Variants in SGCZ observed in about 807,000 individuals in gnomAD.
SGCZ encodes the protein sarcoglycan zeta.
In SGCZ, 40 loss-of-function variants were observed where a neutral mutation model predicts 41.3. The ratio of observed to expected loss-of-function variants is 0.97; its 90% CI spans 0.75 to 1.26. The LOEUF (loss-of-function observed/expected upper bound fraction) is 1.26. Ranked by LOEUF, SGCZ falls within the 50% of genes most tolerant of loss-of-function variation. The pLI, the probability that SGCZ is intolerant of heterozygous loss-of-function variation, is 0.00. For missense variants in SGCZ, 552 were observed against 369.8 expected, an observed-to-expected ratio of 1.49 and a Z score of -4.04; for synonymous variants, 206 against 137.5, an observed-to-expected ratio of 1.50 and a Z score of -3.49.
At chr8:14,752,994 C>A (rs1799546727) in intron 1 of SGCZ, among the ~76,000 whole-genome samples, 1 of 152,144 alleles carries the variant, frequency 6.6e-6, no homozygotes, top group Non-Finnish European at 1.5e-5. Context: ...AGCAATTGGT[C>A]TGTTTTCATT....
intron 1 of SGCZ, among the ~76,000 whole-genome samples, chr8:15,221,033 G>A (rs1801582960): frequency 6.6e-6 from 1 of 150,860 alleles, no homozygotes; most frequent in African/African-American, 2.5e-5. Context: ...TATAGGGGGA[G>A]GGATAGCATT....
At chr8:14,997,786 C>G (rs1802268622) in intron 1 of SGCZ, among the ~76,000 whole-genome samples, 1 of 152,064 alleles carries the variant, frequency 6.6e-6, no homozygotes, top group Admixed American at 6.5e-5. Context: ...TTGGTGAAAC[C>G]TAGTCTCTAC....
At chr8:14,170,639 C>T (rs1433755922) in intron 4 of SGCZ, among the ~76,000 whole-genome samples, 1 of 152,072 alleles carries the variant, frequency 6.6e-6, no homozygotes, top group Non-Finnish European at 1.5e-5. Context: ...AATGGAACAA[C>T]ATATGTACAA....
At chr8:14,874,073 C>G (rs1311031516) in intron 1 of SGCZ, among the ~76,000 whole-genome samples, 1 of 152,118 alleles carries the variant, frequency 6.6e-6, no homozygotes, top group African/African-American at 2.4e-5. Flanking sequence ...AAGATAAAGA[C>G]TGAAGTGTGG....
chr8:15,097,916 G>GTGTA (rs762162344), intron 1 of SGCZ, among the ~76,000 whole-genome samples: 1 of 79,988 alleles, frequency 1.3e-5, no homozygotes, highest in Non-Finnish European at 2.6e-5. Flanking sequence ...ATATACGTGT[G>GTGTA]TATATATATA....
intron 1 of SGCZ, among the ~76,000 whole-genome samples, chr8:14,880,615 A>T (rs565553458): frequency 6.6e-6 from 1 of 152,328 alleles, no homozygotes; most frequent in East Asian, 1.9e-4. Flanking sequence ...ATGTGATACT[A>T]TGCAGCCATG....
chr8:14,322,418 C>T (rs1028031812), intron 3 of SGCZ, among the ~76,000 whole-genome samples: 6 of 151,988 alleles, frequency 3.9e-5, no homozygotes, highest in African/African-American at 1.2e-4. Flanking sequence ...GCAAGTGGCT[C>T]CACCTCACAC....
chr8:14,689,391 GTA>G (rs1374103070), intron 1 of SGCZ, among the ~76,000 whole-genome samples: 5 of 152,118 alleles, frequency 3.3e-5, no homozygotes, highest in Non-Finnish European at 5.9e-5. Flanking sequence ...TTATAAAGAT[GTA>G]TATGTCAATA....
At chr8:14,607,881 T>C (rs900087712) in intron 1 of SGCZ, among the ~76,000 whole-genome samples, 4 of 152,218 alleles carry the variant, frequency 2.6e-5, no homozygotes. Flanking sequence ...GTTAGAGTAC[T>C]ACTCAAAAAC....
intron 1 of SGCZ, among the ~76,000 whole-genome samples, chr8:14,603,784 C>A (rs1397757492): frequency 1.3e-5 from 2 of 152,092 alleles, no homozygotes; most frequent in African/African-American, 4.8e-5. Flanking sequence ...TACCCTGTTA[C>A]ATGATTTAGT....
chr8:15,026,738 G>T (rs1803472793), intron 1 of SGCZ, among the ~76,000 whole-genome samples: 2 of 152,104 alleles, frequency 1.3e-5, no homozygotes, highest in African/African-American at 4.8e-5. Flanking sequence ...CCAGAATTGT[G>T]CAAATAAAGG....
chr8:14,678,119 G>A (rs1004334153), intron 1 of SGCZ, among the ~76,000 whole-genome samples: 1 of 152,128 alleles, frequency 6.6e-6, no homozygotes, highest in Non-Finnish European at 1.5e-5. Flanking sequence ...ATCTAGATGA[G>A]CTTTTGTTTG....
At chr8:14,972,692 T>C (rs1038504611) in intron 1 of SGCZ, among the ~76,000 whole-genome samples, 5 of 152,212 alleles carry the variant, frequency 3.3e-5, no homozygotes, top group African/African-American at 1.2e-4. Flanking sequence ...CTCTAAAGTT[T>C]ATGTTATTCA....
intron 2 of SGCZ, among the ~76,000 whole-genome samples, chr8:14,332,197 A>T (rs1464779240): frequency 6.6e-6 from 1 of 152,144 alleles, no homozygotes; most frequent in Non-Finnish European, 1.5e-5. Flanking sequence ...GTACTTTGGG[A>T]GGCCGAAGCG....
chr8:14,888,047 T>C (rs1271482432), intron 1 of SGCZ, among the ~76,000 whole-genome samples: 1 of 152,284 alleles, frequency 6.6e-6, no homozygotes, highest in Middle Eastern at 3.4e-3. Flanking sequence ...CCACATTGTA[T>C]ACATCTATCA....
chr8:14,443,664 G>C (rs1169417902), intron 2 of SGCZ, among the ~76,000 whole-genome samples: 2 of 152,128 alleles, frequency 1.3e-5, no homozygotes, highest in Non-Finnish European at 2.9e-5. Flanking sequence ...ATTAATTCAA[G>C]ATGGATTAAA....
chr8:14,875,873 C>T (rs559516297), intron 1 of SGCZ, among the ~76,000 whole-genome samples: 1 of 152,202 alleles, frequency 6.6e-6, no homozygotes, highest in East Asian at 1.9e-4. Context: ...TAACATCACC[C>T]TAATCCAAAG....
intron 2 of SGCZ, among the ~76,000 whole-genome samples, chr8:14,335,988 G>T (rs930948073): frequency 3.3e-5 from 5 of 151,992 alleles, no homozygotes; most frequent in African/African-American, 1.2e-4. Flanking sequence ...TGTCATAGGG[G>T]TTTGTTATAC....
intron 3 of SGCZ, among the ~76,000 whole-genome samples, chr8:14,275,314 T>C (rs1044667431): frequency 3.9e-5 from 6 of 152,194 alleles, no homozygotes; most frequent in Non-Finnish European, 8.8e-5. Context: ...TCCCTTTTGA[T>C]AAAACCTGAT....
Sources: gnomAD v4.1 joint callset for allele counts (sites outside exome capture counted in the v4.1 genomes callset) on GRCh38, gnomAD v4.1.1 for gene constraint, MANE v1.5 for transcripts, NCBI Gene and HGNC (gene_info 2026-07-23, HGNC 2026-07-21) for gene names.